Variants in NXPH1 observed in about 807,000 individuals in gnomAD.
The protein encoded by NXPH1 is neurexophilin-1.
Under a neutral mutation model 23.7 loss-of-function variants are expected in NXPH1, and 5 were observed. The observed-to-expected ratio is 0.21, with a 90% CI of 0.11 to 0.44. The LOEUF is 0.44. NXPH1 is among the 20% of genes least tolerant of loss of function. The pLI is 0.99. For missense variants in NXPH1, 324 were observed against 321.6 expected, an observed-to-expected ratio of 1.01 and a Z score of -0.06; for synonymous variants, 144 against 122.2, an observed-to-expected ratio of 1.18 and a Z score of -1.18.
chr7:8,470,084 A>C (rs1476511389), intron 2 of NXPH1, among the ~76,000 whole-genome samples: 1 of 152,198 alleles, frequency 6.6e-6, no homozygotes, highest in African/African-American at 2.4e-5. Flanking sequence ...GCACTACAGG[A>C]ATCCAGCTCA....
intron 2 of NXPH1, among the ~76,000 whole-genome samples, chr7:8,549,791 G>A (rs1237911210): frequency 1.3e-5 from 2 of 151,606 alleles, no homozygotes; most frequent in East Asian, 3.9e-4. Flanking sequence ...TGTACACAGA[G>A]ATTACACATT....
intron 2 of NXPH1, among the ~76,000 whole-genome samples, chr7:8,501,360 A>G (rs1177123724): frequency 6.6e-6 from 1 of 152,012 alleles, no homozygotes; most frequent in Non-Finnish European, 1.5e-5. Context: ...TATGACTACA[A>G]ATCATAGCCT....
chr7:8,614,583 G>C (rs528653355), intron 2 of NXPH1, among the ~76,000 whole-genome samples: 7 of 151,782 alleles, frequency 4.6e-5, no homozygotes, highest in Non-Finnish European at 1.0e-4. Flanking sequence ...TACACATTTA[G>C]AGATAGAGAC....
At chr7:8,565,358 A>G (rs1163039251) in intron 2 of NXPH1, among the ~76,000 whole-genome samples, 1 of 151,820 alleles carries the variant, frequency 6.6e-6, no homozygotes, top group East Asian at 1.9e-4. Context: ...GGATCTTAGT[A>G]TTTTTAAAGC....
At chr7:8,736,114 G>A (rs902389171) in intron 2 of NXPH1, among the ~76,000 whole-genome samples, 1 of 151,954 alleles carries the variant, frequency 6.6e-6, no homozygotes, top group Non-Finnish European at 1.5e-5. Flanking sequence ...AGGATTTTTT[G>A]TGTCTCTATC....
chr7:8,585,444 A>G (rs541949813), intron 2 of NXPH1, among the ~76,000 whole-genome samples: 2 of 152,276 alleles, frequency 1.3e-5, no homozygotes, highest in East Asian at 3.9e-4. Flanking sequence ...CAATTCTTTC[A>G]GTGTAACTTG....
intron 2 of NXPH1, among the ~76,000 whole-genome samples, chr7:8,750,778 T>A (rs1235877040): frequency 6.6e-6 from 1 of 152,126 alleles, no homozygotes; most frequent in Non-Finnish European, 1.5e-5. Flanking sequence ...TATCACATAT[T>A]AAAAAATATT....
chr7:8,616,378 T>C (rs1451321679), intron 2 of NXPH1, among the ~76,000 whole-genome samples: 1 of 152,096 alleles, frequency 6.6e-6, no homozygotes, highest in Non-Finnish European at 1.5e-5. Context: ...GGACTCCTCA[T>C]TGCCCTTATG....
At chr7:8,554,050 T>C (rs1818317360) in intron 2 of NXPH1, among the ~76,000 whole-genome samples, 1 of 151,704 alleles carries the variant, frequency 6.6e-6, no homozygotes, top group South Asian at 2.1e-4. Flanking sequence ...TTTAATCTAC[T>C]GTGCTGTAAG....
At chr7:8,562,807 T>G (rs1584234050) in intron 2 of NXPH1, among the ~76,000 whole-genome samples, 1 of 151,828 alleles carries the variant, frequency 6.6e-6, no homozygotes, top group Admixed American at 6.6e-5. Context: ...GGTATGTGCA[T>G]ATATTTCAAA....
intron 2 of NXPH1, among the ~76,000 whole-genome samples, chr7:8,516,777 A>C (rs1325275965): frequency 6.6e-6 from 1 of 152,144 alleles, no homozygotes; most frequent in Non-Finnish European, 1.5e-5. Flanking sequence ...CTTGTTACTT[A>C]TTCCCACTCA....
Position 8,751,789 on chromosome 7 carries a change from A to C in NXPH1, c.*20A>C, listed in dbSNP as rs771372049. On this transcript the variant is annotated 3_prime_UTR_variant, in exon 3 of 3. Coordinates refer to ENST00000405863, the MANE Select transcript of NXPH1 (RefSeq NM_152745.3). The surrounding 1 kb of genome is among the most constrained non-coding windows in gnomAD (Gnocchi z 4.5). ...GGATGAAGGTGAACATGGGGGTGAG[A>C]CTGAAGCCTGAGGAATTAAAGGTCA... The C allele has an allele frequency of 8.2e-5, 130 of 1,588,910 alleles. No homozygotes were observed. Among genetic ancestry groups the C allele is most frequent in the Non-Finnish European group, 9.4e-5 (110 of 1,169,116 alleles).
intron 2 of NXPH1, among the ~76,000 whole-genome samples, chr7:8,643,827 A>AATTC (rs1820354578): frequency 6.6e-6 from 1 of 152,122 alleles, no homozygotes; most frequent in African/African-American, 2.4e-5. Flanking sequence ...TTTAACTTTA[A>AATTC]ATTCCATGTT....
chr7:8,645,222 T>G (rs1302184374), intron 2 of NXPH1, among the ~76,000 whole-genome samples: 2 of 152,156 alleles, frequency 1.3e-5, no homozygotes, highest in Non-Finnish European at 2.9e-5. Flanking sequence ...TATATACACA[T>G]CTTTAATTTT....
chr7:8,710,811 C>T lies in NXPH1; in HGVS notation c.55-40197C>T, dbSNP rs986509061. 7.3e-5 allele frequency among the ~76,000 whole-genome samples: 10 copies of T among 137,738 alleles called. No homozygotes were observed. The East Asian group carries it at 1.1e-3, about 15-fold the overall frequency. 90.4% of individuals were successfully genotyped at this position (137,738 alleles called of 152,430 possible). A position where few individuals can be genotyped will look rare whatever the true frequency, so the allele number is the denominator to read the frequency against. On this transcript the variant is annotated intron_variant, in intron 2 of 2. Transcript: ENST00000405863. ...CCCAGTAGCTGGGACTACAGGCGCC[C>T]GCCACCGCGCCCGGCTAATTTTTTG...
chr7:8,548,249 T>A (rs1818225153), intron 2 of NXPH1, among the ~76,000 whole-genome samples: 1 of 151,686 alleles, frequency 6.6e-6, no homozygotes, highest in African/African-American at 2.4e-5. Flanking sequence ...GAGTTTACCA[T>A]GCTCCTCAAT....
intron 2 of NXPH1, among the ~76,000 whole-genome samples, chr7:8,505,212 G>A (rs867276500): frequency 1.3e-5 from 2 of 151,854 alleles, no homozygotes; most frequent in Non-Finnish European, 2.9e-5. Flanking sequence ...CTTTCTATAC[G>A]TACCCTTAAC....
In NXPH1 at chr7:8,679,890, G is replaced by A. The variant is rs540122646; in HGVS notation, c.55-71118G>A. Among the ~76,000 whole-genome samples, 35 of 152,342 alleles carry A rather than the reference G, an allele frequency of 2.3e-4. 1 individual carries two copies. In the South Asian group the frequency reaches 5.4e-3, roughly 23 times the overall value. On this transcript the variant is annotated intron_variant, in intron 2 of 2. Transcript: ENST00000405863. ...ACAAAAATTAGCCAGGTGTGGTGGC[G>A]CGTGCCTGTAATTCTAACTACTAAG...
chr7:8,682,269 G>A (rs1289588083), intron 2 of NXPH1, among the ~76,000 whole-genome samples: 7 of 152,132 alleles, frequency 4.6e-5, no homozygotes, highest in Non-Finnish European at 7.4e-5. Context: ...ACCTAGCCGT[G>A]CCTCAGAAGT....
Sources: allele counts gnomAD v4.1 joint callset (sites outside exome capture counted in the v4.1 genomes callset), GRCh38; gene constraint gnomAD v4.1.1; non-coding constraint Gnocchi (gnomAD v3.1); transcripts MANE v1.5; gene names NCBI Gene and HGNC (gene_info 2026-07-23, HGNC 2026-07-21).